Variants in JAM3 observed in about 807,000 individuals in gnomAD.
The protein encoded by JAM3 is junctional adhesion molecule C.
In JAM3, 31 loss-of-function variants were observed where a neutral mutation model predicts 39.4. That is an observed-to-expected ratio of 0.79 (90% confidence interval 0.59 to 1.06). The LOEUF (loss-of-function observed/expected upper bound fraction) is 1.06, where lower values mean the gene tolerates loss of function less well. Among genes scored for constraint, JAM3 ranks in the 50% least tolerant of loss-of-function variants. The pLI is 0.00. For synonymous variants in JAM3, 182 were observed against 148.7 expected (o/e 1.22, Z -1.63); for missense variants, 455 against 391.4 (o/e 1.16, Z -1.37).
chr11:134,115,767 C>T (rs1026779580), intron 1 of JAM3, among the ~76,000 whole-genome samples: 1 of 151,870 alleles, frequency 6.6e-6, no homozygotes, highest in African/African-American at 2.4e-5. Flanking sequence ...CATAGTGGCA[C>T]ACACCTGTAG....
chr11:134,091,039 G>T (rs1219461976), intron 1 of JAM3, among the ~76,000 whole-genome samples: 2 of 152,224 alleles, frequency 1.3e-5, no homozygotes, highest in Admixed American at 6.5e-5. Context: ...TTCCTACAGG[G>T]TTCATTCTTT....
intron 1 of JAM3, among the ~76,000 whole-genome samples, chr11:134,109,122 C>T (rs756872268): frequency 1.5e-4 from 23 of 152,092 alleles, no homozygotes; most frequent in Non-Finnish European, 2.2e-4. Context: ...ACACCACCCC[C>T]GGCTAATTTT....
intron 1 of JAM3, among the ~76,000 whole-genome samples, chr11:134,110,217 G>A (rs1942283237): frequency 6.6e-6 from 1 of 152,090 alleles, no homozygotes; most frequent in Non-Finnish European, 1.5e-5. Context: ...ATTGCAGGTG[G>A]GAATGTAAAA....
At chr11:134,090,121 C>A (rs1489623466) in intron 1 of JAM3, among the ~76,000 whole-genome samples, 1 of 152,300 alleles carries the variant, frequency 6.6e-6, no homozygotes, top group Middle Eastern at 3.4e-3. Flanking sequence ...TGAGAAGTGT[C>A]TGTTCATGTC....
In JAM3 at chr11:134,104,913, A is replaced by G. The variant is rs548917763; in HGVS notation, c.77-34938A>G. Among the ~76,000 whole-genome samples the G allele has an allele frequency of 1.9e-4, 29 of 152,284 alleles. No homozygotes were observed. The East Asian group carries it at 4.4e-3, about 23-fold the overall frequency. ...CAGGGCCAGATGGATTCACAGCCGAATTCTACCAGAGGTACAAGCAGGAGC... is the reference window on the plus strand; with the variant it reads ...CAGGGCCAGATGGATTCACAGCCGAGTTCTACCAGAGGTACAAGCAGGAGC... On this transcript the variant is annotated intron_variant, in intron 1 of 8. Transcript: ENST00000299106.
intron 1 of JAM3, among the ~76,000 whole-genome samples, chr11:134,085,677 A>C (rs934151919): frequency 6.6e-6 from 1 of 152,234 alleles, no homozygotes; most frequent in Non-Finnish European, 1.5e-5. Flanking sequence ...TAAATCTTTA[A>C]TGGCAATATG....
intron 1 of JAM3, among the ~76,000 whole-genome samples, chr11:134,115,920 A>C (rs1205540442): frequency 6.6e-6 from 1 of 152,092 alleles, no homozygotes; most frequent in Admixed American, 6.6e-5. Flanking sequence ...AAAAAATTGG[A>C]GGAGGGGATA....
intron 1 of JAM3, among the ~76,000 whole-genome samples, chr11:134,105,094 A>G (rs963055724): frequency 5.9e-5 from 9 of 152,342 alleles, no homozygotes; most frequent in Admixed American, 1.3e-4. Context: ...CATCGATGCA[A>G]AAATCCTCAA....
At chr11:134,131,003 G>T (rs377665819) in intron 1 of JAM3, among the ~76,000 whole-genome samples, 6 of 152,098 alleles carry the variant, frequency 3.9e-5, no homozygotes, top group Non-Finnish European at 7.3e-5. Context: ...GGAGAAACTG[G>T]GTGAGATTCT....
chr11:134,090,707 G>A (rs545173715), intron 1 of JAM3, among the ~76,000 whole-genome samples: 2 of 152,266 alleles, frequency 1.3e-5, no homozygotes, highest in Admixed American at 6.5e-5. Context: ...GGACAGCCAT[G>A]TAACAAAGTT....
chr11:134,130,944 C>T (rs1942758035), intron 1 of JAM3, among the ~76,000 whole-genome samples: 1 of 152,178 alleles, frequency 6.6e-6, no homozygotes, highest in Non-Finnish European at 1.5e-5. Context: ...CTACAGACGC[C>T]TGAAGAGATT....
chr11:134,142,535 GT>G (rs1213745185), intron 3 of JAM3, among the ~76,000 whole-genome samples: 1 of 152,122 alleles, frequency 6.6e-6, no homozygotes, highest in African/African-American at 2.4e-5. Flanking sequence ...TTTGTGTCAT[GT>G]TTTCCTAACT....
At chr11:134,113,292 A>G (rs898700959) in intron 1 of JAM3, among the ~76,000 whole-genome samples, 4 of 151,364 alleles carry the variant, frequency 2.6e-5, no homozygotes, top group African/African-American at 9.7e-5. Context: ...TGCTGCACCC[A>G]TTAACTCGTC....
At chr11:134,128,796 G>A (rs947794269) in intron 1 of JAM3, among the ~76,000 whole-genome samples, 5 of 152,106 alleles carry the variant, frequency 3.3e-5, no homozygotes, top group Admixed American at 6.6e-5. Context: ...CCAGTCTCTG[G>A]TAGTTCTTTA....
chr11:134,132,917 G>A (rs533987078), intron 1 of JAM3, among the ~76,000 whole-genome samples: 1 of 152,260 alleles, frequency 6.6e-6, no homozygotes, highest in Non-Finnish European at 1.5e-5. Context: ...TCCTGCAGAG[G>A]CTTCTTCTCC....
At chr11:134,145,921 A>G (rs769687465) in intron 5 of JAM3, 25 bp from the exon 6 acceptor site, 1 of 1,537,340 alleles carries the variant, frequency 6.5e-7, no homozygotes. Flanking sequence ...GGGTCCGATT[A>G]TTTACTTGTC....
At chr11:134,145,052 T>C in intron 5 of JAM3, 58 bp downstream of exon 5, 1 of 1,368,782 alleles carries the variant, frequency 7.3e-7, no homozygotes, top group Non-Finnish European at 1.0e-6. Flanking sequence ...AAGAGATGCT[T>C]ATTGTGAAAA....
intron 1 of JAM3, among the ~76,000 whole-genome samples, chr11:134,076,193 T>G (rs1211184696): frequency 6.7e-6 from 1 of 149,032 alleles, no homozygotes; most frequent in East Asian, 2.0e-4. Flanking sequence ...TTGCTGTTGT[T>G]GCCCAGGCTG....
At chr11:134,081,988 T>C (rs1256693525) in intron 1 of JAM3, among the ~76,000 whole-genome samples, 1 of 152,278 alleles carries the variant, frequency 6.6e-6, no homozygotes, top group African/African-American at 2.4e-5. Flanking sequence ...GAGATCATTT[T>C]GGAGCTTTAA....
Sources: gnomAD v4.1 joint callset for allele counts (sites outside exome capture counted in the v4.1 genomes callset) on GRCh38, gnomAD v4.1.1 for gene constraint, MANE v1.5 for transcripts, NCBI Gene and HGNC (gene_info 2026-07-23, HGNC 2026-07-21) for gene names.